Variants in GSK3B observed in about 807,000 individuals in gnomAD.
GSK3B encodes the protein glycogen synthase kinase-3 beta.
A neutral mutation model predicts 56.4 loss-of-function variants in GSK3B; 15 were observed. The observed-to-expected ratio is 0.27, with a 90% confidence interval of 0.18 to 0.41. The LOEUF (loss-of-function observed/expected upper bound fraction) is 0.41. Ranked by LOEUF, GSK3B falls within the 10% of genes least tolerant of loss-of-function variation. The pLI, the probability that GSK3B is intolerant of heterozygous loss-of-function variation, is 1.00. For missense variants in GSK3B, 300 were observed against 513.4 expected (o/e 0.58, Z 4.02); for synonymous variants, 181 against 188.9 (o/e 0.96, Z 0.34).
intron 1 of GSK3B, among the ~76,000 whole-genome samples, chr3:120,050,755 G>GT (rs2107541835): frequency 6.6e-6 from 1 of 152,332 alleles, no homozygotes; most frequent in East Asian, 1.9e-4. Flanking sequence ...CATGTAGGTG[G>GT]TAATTCCTGC....
chr3:119,876,615 A>G, intron 7 of GSK3B, 107 bp from the exon 8 acceptor site: 1 of 673,240 alleles, frequency 1.5e-6, no homozygotes, highest in Non-Finnish European at 2.7e-6. Flanking sequence ...CAAGTTAAAT[A>G]AAATACGTAA....
intron 3 of GSK3B, among the ~76,000 whole-genome samples, chr3:119,934,355 G>A (rs767473584): frequency 5.3e-5 from 8 of 152,098 alleles, no homozygotes; most frequent in Non-Finnish European, 1.0e-4. Context: ...TGCCAAAAAC[G>A]TGTAACCCCA....
At chr3:120,027,228 T>C (rs1253816267) in intron 1 of GSK3B, among the ~76,000 whole-genome samples, 2 of 149,974 alleles carry the variant, frequency 1.3e-5, no homozygotes, top group Non-Finnish European at 3.0e-5. Context: ...TACCAAAAAA[T>C]TAGCCAGGTG....
intron 7 of GSK3B, among the ~76,000 whole-genome samples, chr3:119,891,946 C>T (rs6782799): frequency 0.54 from 81,350 of 151,936 alleles, 25,111 homozygotes; most frequent in African/African-American, 0.86. Context: ...CTGTTCCTGG[C>T]CCTACCTAGT....
intron 1 of GSK3B, among the ~76,000 whole-genome samples, chr3:120,078,753 A>G (rs1363990413): frequency 6.7e-6 from 1 of 149,140 alleles, no homozygotes; most frequent in African/African-American, 2.5e-5. Context: ...GGGTTTCTCC[A>G]TGTTAGCCAG....
chr3:120,023,183 G>A (rs1559880389), intron 1 of GSK3B, among the ~76,000 whole-genome samples: 1 of 150,270 alleles, frequency 6.7e-6, no homozygotes, highest in Non-Finnish European at 1.5e-5. Flanking sequence ...TCTACAACCT[G>A]CAGAAGCATT....
rs766816915 is a variant in GSK3B, at chr3:119,989,645, C to CA, written c.282+12400dup. On this transcript the variant is annotated intron_variant, in intron 2 of 10. Transcript: ENST00000264235. ...GGGTGACGGAGCAAGAGTCTGACTC[C>CA]AAAAAAAAAAAAAAGGAAATAAAAA... Among the ~76,000 whole-genome samples, 795 of 110,598 alleles carry CA rather than the reference C, an allele frequency of 7.2e-3. 6 individuals are homozygous for CA. Among genetic ancestry groups the CA allele is most frequent in the African/African-American group, 0.018 (558 of 30,422 alleles). The allele number at this position is 110,598 out of a possible 152,430, so 72.6% of individuals were successfully genotyped here.
chr3:119,969,708 G>T (rs188533675), intron 2 of GSK3B, among the ~76,000 whole-genome samples: 19 of 152,206 alleles, frequency 1.2e-4, no homozygotes, highest in Admixed American at 1.3e-4. Flanking sequence ...TTTCACAAAG[G>T]AACAAAGCAA....
At chr3:119,987,006 A>G (rs946153850) in intron 2 of GSK3B, among the ~76,000 whole-genome samples, 24 of 152,200 alleles carry the variant, frequency 1.6e-4, no homozygotes, top group Non-Finnish European at 2.8e-4. Flanking sequence ...ATAAAAAAGG[A>G]TGAGTTCCTG....
intron 1 of GSK3B, among the ~76,000 whole-genome samples, chr3:120,022,156 A>G (rs2057884105): frequency 6.6e-6 from 1 of 152,254 alleles, no homozygotes; most frequent in African/African-American, 2.4e-5. Context: ...AACAATTGGC[A>G]CAGCCACCCT....
At chr3:119,960,319 A>G (rs1459157948) in intron 2 of GSK3B, among the ~76,000 whole-genome samples, 1 of 152,112 alleles carries the variant, frequency 6.6e-6, no homozygotes, top group Non-Finnish European at 1.5e-5. Context: ...CAGGGAGAGA[A>G]GTCAATGTGG....
chr3:119,906,949 T>G (rs1302407904), intron 6 of GSK3B, among the ~76,000 whole-genome samples: 1 of 152,088 alleles, frequency 6.6e-6, no homozygotes, highest in Admixed American at 6.6e-5. Flanking sequence ...TTTAACAAAC[T>G]CGAGTTGATT....
chr3:120,067,860 C>G (rs1409432016), intron 1 of GSK3B, among the ~76,000 whole-genome samples: 2 of 152,072 alleles, frequency 1.3e-5, no homozygotes, highest in African/African-American at 2.4e-5. Context: ...AAAATAGCAA[C>G]CAAATGCTAC....
At chr3:119,890,589 T>C (rs937576337) in intron 7 of GSK3B, among the ~76,000 whole-genome samples, 1 of 152,008 alleles carries the variant, frequency 6.6e-6, no homozygotes, top group African/African-American at 2.4e-5. Flanking sequence ...TTCCAGGCTA[T>C]AAAAAGAAAC....
chr3:120,094,063 C>G lies in GSK3B; in HGVS notation c.-629G>C, dbSNP rs1038435582. The stretch of plus-strand genomic sequence containing the variant: ...CGGGCGGTGGCGGTGGCGGCGGCTC[C>G]TCTCCTCATTGCGCCAGGAGCAGCT... On this transcript the variant is annotated 5_prime_UTR_variant, in exon 1 of 11. Transcript: ENST00000264235. The G allele has an allele frequency of 1.3e-5, 3 of 227,508 alleles. No homozygotes were observed. The highest frequency in any genetic ancestry group is 6.8e-5 in the African/African-American group (3 of 44,404). 14.1% of individuals were successfully genotyped at this position (227,508 alleles called of 1,614,324 possible).
At chr3:120,020,999 G>A (rs2057871982) in intron 1 of GSK3B, among the ~76,000 whole-genome samples, 1 of 152,174 alleles carries the variant, frequency 6.6e-6, no homozygotes, top group Admixed American at 6.5e-5. Context: ...AGCAAGGCCG[G>A]AACCCTCTTC....
Position 119,826,572 on chromosome 3 carries a change from G to T in GSK3B, c.*216C>A. The T allele has an allele frequency of 3.9e-6, 2 of 515,894 alleles. No homozygotes were observed. Among genetic ancestry groups the T allele is most frequent in the Non-Finnish European group, 3.7e-6 (1 of 269,776 alleles). The allele number at this position is 515,894 out of a possible 1,614,324, so 32.0% of individuals were successfully genotyped here. A position where few individuals can be genotyped will look rare whatever the true frequency, so the allele number is the denominator to read the frequency against. On this transcript the variant is annotated 3_prime_UTR_variant, in exon 11 of 11. Coordinates refer to ENST00000264235, the MANE Select transcript of GSK3B (RefSeq NM_001146156.2). ...CTCCCCACAACCCCTCCCACCCCCT[G>T]GATCTCCCTCAAAGTGAGAATACAA...
intron 7 of GSK3B, among the ~76,000 whole-genome samples, chr3:119,893,318 A>G (rs2056525298): frequency 6.6e-6 from 1 of 152,108 alleles, no homozygotes; most frequent in South Asian, 2.1e-4. Context: ...TTTTAAATCT[A>G]CTAGTTGTAG....
chr3:119,882,085 G>A (rs1022830348), intron 7 of GSK3B, among the ~76,000 whole-genome samples: 1 of 151,734 alleles, frequency 6.6e-6, no homozygotes, highest in African/African-American at 2.4e-5. Context: ...GTGTGAAAAC[G>A]GACTAATACA....
Sources: allele counts gnomAD v4.1 joint callset (sites outside exome capture counted in the v4.1 genomes callset), GRCh38; gene constraint gnomAD v4.1.1; transcripts MANE v1.5; gene names NCBI Gene and HGNC (gene_info 2026-07-23, HGNC 2026-07-21).